COL4A2: variants seen among roughly 807,000 people sequenced by gnomAD.
COL4A2 encodes the protein collagen type IV alpha 2 chain.
Under a neutral mutation model 200.2 loss-of-function variants are expected in COL4A2, and 99 were observed. The ratio of observed to expected loss-of-function variants is 0.49; its 90% CI spans 0.42 to 0.58. The LOEUF is 0.58. Among genes scored for constraint, COL4A2 ranks in the 20% least tolerant of loss-of-function variants. The probability of loss-of-function intolerance (pLI) is 0.00; values close to 1 mark genes in which losing one functional copy is unlikely to be tolerated. For synonymous variants in COL4A2, 897 were observed against 900.6 expected, an observed-to-expected ratio of 1.00 and a Z score of 0.07; for missense variants, 1,950 against 2,314.1, an observed-to-expected ratio of 0.84 and a Z score of 3.23.
rs758260445 is a variant in COL4A2 at position 110,465,540 on chromosome 13, G to C, written c.1912G>C (p.Ala638Pro). The change falls in exon 25 of 48, where the codon GCC becomes CCC. Residue 638 changes from alanine to proline, a missense_variant. This residue lies in a region of COL4A2 where 1,385 missense variants were observed against 1,720.5 expected (regional missense o/e 0.80). Coordinates refer to ENST00000360467, the MANE Select transcript of COL4A2 (RefSeq NM_001846.4). ...LKGQRGFPGD[A>P]GLPGPPGFLG... ...AGGCCAACGTGGTTTCCCTGGAGAC[G>C]CCGGCTTACCTGGACCACCAGGCTT... 6.2e-7 allele frequency: 1 copy of C among 1,613,990 alleles called. No individual in the cohort carries two copies. Among genetic ancestry groups the C allele is most frequent in the Non-Finnish European group, 8.5e-7 (1 of 1,180,010 alleles).
chr13:110,466,950 G>T (rs561437735), intron 26 of COL4A2, 90 bp from the exon 27 acceptor site: 2 of 1,549,780 alleles, frequency 1.3e-6, no homozygotes, highest in Non-Finnish European at 1.8e-6. Flanking sequence ...GGTTTGCACA[G>T]CTCGTGCTTT....
intron 34 of COL4A2, among the ~76,000 whole-genome samples, chr13:110,488,386 C>T (rs1214751981): frequency 6.6e-6 from 1 of 152,172 alleles, no homozygotes; most frequent in Non-Finnish European, 1.5e-5. Flanking sequence ...TGCTGTAGTA[C>T]TAAAGTCCCA....
chr13:110,455,126 C>A (rs1354194768), intron 20 of COL4A2, among the ~76,000 whole-genome samples: 1 of 152,164 alleles, frequency 6.6e-6, no homozygotes, highest in African/African-American at 2.4e-5. Flanking sequence ...CCCGTTGTTC[C>A]TTCCCTCTCC....
rs1404053986 is a variant in COL4A2 at position 110,357,559 on chromosome 13, C to T, written c.180+7C>T. 1 of 1,569,394 alleles carries T rather than the reference C, an allele frequency of 6.4e-7. No individual in the cohort carries two copies. The highest frequency in any genetic ancestry group is 8.7e-7 in the Non-Finnish European group (1 of 1,154,928). On this transcript the variant is annotated splice_region_variant and intron_variant, in intron 4 of 47. Transcript: ENST00000360467. ...CCCTGAGAAAGGTGGACGTGTAAGT[C>T]ACAGCATTGCAATAAATAATATTAT...
intron 3 of COL4A2, among the ~76,000 whole-genome samples, chr13:110,309,285 G>T (rs546571257): frequency 1.3e-5 from 2 of 152,330 alleles, no homozygotes; most frequent in South Asian, 4.1e-4. Context: ...AGGAGGACTC[G>T]GAGACTTTGA....
chr13:110,366,538 A>G (rs1877759391), intron 4 of COL4A2, among the ~76,000 whole-genome samples: 2 of 152,234 alleles, frequency 1.3e-5, no homozygotes, highest in African/African-American at 4.8e-5. Flanking sequence ...ACAGTAAAAT[A>G]ATAGCCAAGG....
chr13:110,307,803 T>G lies in COL4A2; in HGVS notation c.-44-57T>G, dbSNP rs1594135238. 1 of 1,435,508 alleles carries G rather than the reference T, an allele frequency of 7.0e-7. No individual in the cohort carries two copies. Among genetic ancestry groups the G allele is most frequent in the Non-Finnish European group, 9.4e-7 (1 of 1,069,130 alleles). The allele number at this position is 1,435,508 out of a possible 1,614,324, so 88.9% of individuals were successfully genotyped here. ...GCGTCTCGCGGACCGAGACCGGCGGTGAGGATGGGCTGCCTCCCTCATCCT... is the reference window on the plus strand; with the variant it reads ...GCGTCTCGCGGACCGAGACCGGCGGGGAGGATGGGCTGCCTCCCTCATCCT... On this transcript the variant is annotated intron_variant, in intron 1 of 47. Coordinates refer to ENST00000360467, the MANE Select transcript of COL4A2 (RefSeq NM_001846.4). The surrounding 1 kb of genome is among the most constrained non-coding windows in gnomAD (Gnocchi z 5.0).
rs201082622 is a variant in COL4A2 at position 110,506,482 on chromosome 13, C to T, written c.4470C>T (p.Tyr1490=). 8.7e-6 allele frequency: 14 copies of T among 1,611,556 alleles called. No individual in the cohort carries two copies. The South Asian group carries it at 1.4e-4, about 16-fold the overall frequency. Residue 1490 remains tyrosine, a synonymous_variant, in exon 46 of 48, where the codon TAC becomes TAT. Coordinates refer to ENST00000360467, the MANE Select transcript of COL4A2 (RefSeq NM_001846.4). ...GMPGRSVSIG[Y]LLVKHSQTDQ... ...CAGGCCGCAGCGTCAGCATCGGCTACCTCCTGGTGAAGCACAGCCAGACGG... is the reference window on the plus strand; with the variant it reads ...CAGGCCGCAGCGTCAGCATCGGCTATCTCCTGGTGAAGCACAGCCAGACGG...
chr13:110,417,419 A>T (rs1880085492), intron 4 of COL4A2, among the ~76,000 whole-genome samples: 1 of 152,174 alleles, frequency 6.6e-6, no homozygotes, highest in South Asian at 2.1e-4. Context: ...CATGCCTGTG[A>T]TGTCACAGCT....
rs537464573 is a variant in COL4A2 at position 110,460,287 on chromosome 13, C to G, written c.1596+1353C>G. On this transcript the variant is annotated intron_variant, in intron 22 of 47. Coordinates refer to ENST00000360467, the MANE Select transcript of COL4A2 (RefSeq NM_001846.4). ...GAGCTGTGCAGGTGAAAATGAGACC[C>G]GGGCACCTCGCTGATCCATGCCCTA... Among the ~76,000 whole-genome samples, 7 of 152,196 alleles carry G rather than the reference C, an allele frequency of 4.6e-5. No individual in the cohort carries two copies. The East Asian group carries it at 1.2e-3, about 25-fold the overall frequency.
chr13:110,395,794 A>C (rs1034505043), intron 4 of COL4A2, among the ~76,000 whole-genome samples: 1 of 152,074 alleles, frequency 6.6e-6, no homozygotes, highest in African/African-American at 2.4e-5. Context: ...AAAATATAAA[A>C]ATTAGCCAGG....
At chr13:110,422,478 G>A (rs74650758) in intron 4 of COL4A2, among the ~76,000 whole-genome samples, 2,268 of 152,298 alleles carry the variant, frequency 0.015, 57 homozygotes, top group African/African-American at 0.052. Context: ...AGACACTAAA[G>A]TGCACAAGCT....
chr13:110,340,283 A>C lies in COL4A2; in HGVS notation c.100-17189A>C, dbSNP rs1876392572. Among the ~76,000 whole-genome samples the C allele has an allele frequency of 1.3e-5, 2 of 152,086 alleles. 1 individual carries two copies. The highest frequency in any genetic ancestry group is 4.2e-4 in the South Asian group (2 of 4,806). ...AGGTGCACGCCACCACACCCGGCTA[A>C]TTTTTGTATTTTTAGTAGAGATGCG... is the stretch of plus-strand genomic sequence containing the variant. On this transcript the variant is annotated intron_variant, in intron 3 of 47. Coordinates refer to ENST00000360467, the MANE Select transcript of COL4A2 (RefSeq NM_001846.4).
At chr13:110,482,960 T>G (rs1882984593) in intron 32 of COL4A2, among the ~76,000 whole-genome samples, 1 of 152,124 alleles carries the variant, frequency 6.6e-6, no homozygotes, top group Non-Finnish European at 1.5e-5. Context: ...TATACCGTGG[T>G]AAACATGAAG....
At chr13:110,448,269 A>G (rs1168324417) in intron 18 of COL4A2, among the ~76,000 whole-genome samples, 1 of 152,178 alleles carries the variant, frequency 6.6e-6, no homozygotes, top group Non-Finnish European at 1.5e-5. Flanking sequence ...TTTCTTTTGC[A>G]TTTTTTAAAA....
chr13:110,481,636 A>AT (rs1882924874), intron 31 of COL4A2, among the ~76,000 whole-genome samples: 1 of 105,220 alleles, frequency 9.5e-6, no homozygotes, highest in Non-Finnish European at 1.9e-5. Flanking sequence ...CTGGAGACAC[A>AT]CTGTTCTGTC....
intron 4 of COL4A2, among the ~76,000 whole-genome samples, chr13:110,408,590 G>A (rs1356885583): frequency 6.6e-6 from 1 of 152,170 alleles, no homozygotes; most frequent in African/African-American, 2.4e-5. Context: ...GGCCATCGTC[G>A]GGGTCATGGA....
intron 3 of COL4A2, among the ~76,000 whole-genome samples, chr13:110,309,385 C>G (rs986961213): frequency 6.6e-6 from 1 of 152,236 alleles, no homozygotes; most frequent in Non-Finnish European, 1.5e-5. Context: ...GATATTTGAA[C>G]TAGCCCAGTG....
intron 3 of COL4A2, among the ~76,000 whole-genome samples, chr13:110,315,993 C>A (rs1885120100): frequency 6.6e-6 from 1 of 152,092 alleles, no homozygotes. Flanking sequence ...AAATTATCTG[C>A]TTTCTCCCAC....
Sources: gnomAD v4.1 joint callset for allele counts (sites outside exome capture counted in the v4.1 genomes callset) on GRCh38, gnomAD v4.1.1 for gene constraint, gnomAD v4.1.1 regional missense constraint, Gnocchi (gnomAD v3.1) non-coding constraint, MANE v1.5 for transcripts, NCBI Gene and HGNC (gene_info 2026-07-23, HGNC 2026-07-21) for gene names.